Variants in TPPP observed in about 807,000 individuals in gnomAD.
The protein encoded by TPPP is tubulin polymerization-promoting protein.
Under a neutral mutation model 15.5 loss-of-function variants are expected in TPPP, and 6 were observed. The ratio of observed to expected loss-of-function variants is 0.39; its 90% CI spans 0.21 to 0.77. TPPP has a LOEUF of 0.77. Among genes scored for constraint, TPPP ranks in the 30% least tolerant of loss-of-function variants. The pLI, the probability that TPPP is intolerant of heterozygous loss-of-function variation, is 0.42. For synonymous variants in TPPP, 146 were observed against 133.9 expected (o/e 1.09, Z -0.63); for missense variants, 269 against 307.2 (o/e 0.88, Z 0.93).
chr5:672,088 G>A (rs1740242552), intron 2 of TPPP, among the ~76,000 whole-genome samples: 1 of 152,236 alleles, frequency 6.6e-6, no homozygotes, highest in Non-Finnish European at 1.5e-5. Context: ...CCAAACCTGG[G>A]TCCTGCTCCT....
intron 2 of TPPP, among the ~76,000 whole-genome samples, chr5:666,523 G>A (rs556612844): frequency 6.6e-6 from 1 of 152,344 alleles, no homozygotes; most frequent in Non-Finnish European, 1.5e-5. Flanking sequence ...GGGGTCCTAG[G>A]TGGAGGTGTC....
At chr5:681,264 G>A (rs1211976465) in intron 1 of TPPP, among the ~76,000 whole-genome samples, 1 of 152,192 alleles carries the variant, frequency 6.6e-6, no homozygotes, top group Non-Finnish European at 1.5e-5. Flanking sequence ...TCACCGTGAG[G>A]GAAAAGAAGG....
intron 2 of TPPP, among the ~76,000 whole-genome samples, chr5:675,021 C>CG (rs1182512108): frequency 7.3e-5 from 5 of 68,648 alleles, no homozygotes; most frequent in Admixed American, 6.5e-4. Context: ...ACAGTGTGGC[C>CG]GGGGGAGCAG....
chr5:677,456 C>G (rs1740487689), intron 2 of TPPP, among the ~76,000 whole-genome samples: 1 of 152,210 alleles, frequency 6.6e-6, no homozygotes, highest in Admixed American at 6.5e-5. Flanking sequence ...CAGACATCCC[C>G]TCATAGGCCA....
At chr5:693,653 C>T (rs1230096241), upstream of TPPP, among the ~76,000 whole-genome samples, 2 of 151,720 alleles carry the variant, frequency 1.3e-5, no homozygotes, top group African/African-American at 4.8e-5. Flanking sequence ...CGGGGCCCCT[C>T]ACCTGGCTCT....
upstream of TPPP, among the ~76,000 whole-genome samples, chr5:693,567 C>G (rs1350852940): frequency 1.3e-5 from 2 of 151,670 alleles, no homozygotes; most frequent in African/African-American, 2.4e-5. Flanking sequence ...GCTCAGGCCC[C>G]GCGGACCGCC....
chr5:687,066 AAC>A (rs1488730252), intron 1 of TPPP, among the ~76,000 whole-genome samples: 1 of 128,128 alleles, frequency 7.8e-6, no homozygotes, highest in Non-Finnish European at 1.8e-5. Context: ...CACACGGACT[AAC>A]ACAGTCGCCA....
chr5:697,361 C>T (rs1741033172), upstream of TPPP, among the ~76,000 whole-genome samples: 1 of 147,820 alleles, frequency 6.8e-6, no homozygotes, highest in African/African-American at 2.5e-5. Context: ...TACCTCAGTT[C>T]CACAGCCGAT....
chr5:681,573 A>G (rs1467348291), intron 1 of TPPP, among the ~76,000 whole-genome samples: 2 of 152,142 alleles, frequency 1.3e-5, no homozygotes, highest in African/African-American at 4.8e-5. Flanking sequence ...GACCTGACCC[A>G]GGTGTCTGCT....
intron 3 of TPPP, 25 bp from the exon 4 acceptor site, chr5:665,321 G>T (rs769452662): frequency 2.7e-5 from 43 of 1,600,896 alleles, no homozygotes; most frequent in Non-Finnish European, 3.5e-5. Context: ...GGAGGAAGGG[G>T]GCAGGTGAGT....
intron 2 of TPPP, among the ~76,000 whole-genome samples, chr5:667,418 AACTC>A (rs1394693124): frequency 2.6e-5 from 4 of 152,172 alleles, no homozygotes. Context: ...ATACAAAACT[AACTC>A]AAAATAGATG....
At chr5:670,074 T>C (rs1740156029) in intron 2 of TPPP, among the ~76,000 whole-genome samples, 1 of 137,986 alleles carries the variant, frequency 7.2e-6, no homozygotes, top group Admixed American at 7.4e-5. Context: ...CTTCCCAGGC[T>C]CTGAGTCCCC....
chr5:670,541 C>T (rs1318639134), intron 2 of TPPP, among the ~76,000 whole-genome samples: 1 of 152,116 alleles, frequency 6.6e-6, no homozygotes, highest in African/African-American at 2.4e-5. Flanking sequence ...GGAAGGACTC[C>T]CTGGCTGCTG....
At chr5:669,773 G>T (rs924880843) in intron 2 of TPPP, among the ~76,000 whole-genome samples, 1 of 152,082 alleles carries the variant, frequency 6.6e-6, no homozygotes, top group Non-Finnish European at 1.5e-5. Flanking sequence ...TGCCCCACAC[G>T]GGCGGGGAGC....
At chr5:692,476 CAAACCCCCA>C (rs1740913435) in intron 1 of TPPP, 1 of 913,314 alleles carries the variant, frequency 1.1e-6, no homozygotes, top group Non-Finnish European at 1.3e-6. Context: ...AGCAGCCCCC[CAAACCCCCA>C]TCAAGACAAC....
the TPPP span, among the ~76,000 whole-genome samples, chr5:700,396 G>A: frequency 6.6e-6 from 1 of 151,940 alleles, no homozygotes; most frequent in African/African-American, 2.4e-5. Context: ...GTATACACAT[G>A]GACGTATGGA....
chr5:685,219 G>C (rs1740734847), intron 1 of TPPP, among the ~76,000 whole-genome samples: 1 of 152,224 alleles, frequency 6.6e-6, no homozygotes, highest in South Asian at 2.1e-4. Context: ...CTCCAGGCCT[G>C]GGCTGAGGCT....
At chr5:674,988 G>A (rs1740353839) in intron 2 of TPPP, among the ~76,000 whole-genome samples, 1 of 147,022 alleles carries the variant, frequency 6.8e-6, no homozygotes, top group South Asian at 2.3e-4. Flanking sequence ...AGGATCTGTG[G>A]CCGGGGGAGC....
At chr5:684,667 C>G (rs1405718309) in intron 1 of TPPP, among the ~76,000 whole-genome samples, 2 of 152,178 alleles carry the variant, frequency 1.3e-5, no homozygotes, top group Non-Finnish European at 2.9e-5. Flanking sequence ...GGCTCAGGTC[C>G]TGCCATGCCC....
Sources: allele counts gnomAD v4.1 joint callset (sites outside exome capture counted in the v4.1 genomes callset), GRCh38; gene constraint gnomAD v4.1.1; transcripts MANE v1.5; gene names NCBI Gene and HGNC (gene_info 2026-07-23, HGNC 2026-07-21).